The following RBFOX1 variants were observed in gnomAD, a reference collection of about 807,000 sequenced individuals.
RBFOX1 encodes RNA binding protein fox-1 homolog 1.
Under a neutral mutation model 57.7 loss-of-function variants are expected in RBFOX1, and 8 were observed. That is an observed-to-expected ratio of 0.14 (90% CI 0.08 to 0.25). The LOEUF is 0.25. Ranked by LOEUF, RBFOX1 falls within the 10% of genes least tolerant of loss-of-function variation. The probability of loss-of-function intolerance (pLI) is 1.00; values close to 1 mark genes in which losing one functional copy is unlikely to be tolerated. For missense variants in RBFOX1, 611 were observed against 548.5 expected, an observed-to-expected ratio of 1.11 and a Z score of -1.14; for synonymous variants, 326 against 222.4, an observed-to-expected ratio of 1.47 and a Z score of -4.15.
At chr16:5,405,972 C>G (rs1035997905) in intron 1 of RBFOX1, among the ~76,000 whole-genome samples, 2 of 152,174 alleles carry the variant, frequency 1.3e-5, no homozygotes, top group African/African-American at 2.4e-5. Flanking sequence ...GGAAGCATGT[C>G]TGGACTTGTC....
chr16:7,170,516 G>T (rs1329211124), intron 4 of RBFOX1, among the ~76,000 whole-genome samples: 1 of 152,128 alleles, frequency 6.6e-6, no homozygotes, highest in African/African-American at 2.4e-5. Context: ...GCTCAAGTAT[G>T]AGTAGATGGG....
chr16:6,174,426 C>A (rs569651535), intron 1 of RBFOX1, among the ~76,000 whole-genome samples: 1 of 152,214 alleles, frequency 6.6e-6, no homozygotes, highest in African/African-American at 2.4e-5. Context: ...AAAACCCCGT[C>A]TTTACTAAAA....
At chr16:6,494,665 T>C (rs1028328174) in intron 2 of RBFOX1, among the ~76,000 whole-genome samples, 2 of 152,214 alleles carry the variant, frequency 1.3e-5, no homozygotes, top group Non-Finnish European at 2.9e-5. Context: ...TGCGTGACCG[T>C]GAGTTTCACT....
At chr16:7,054,362 C>T (rs938983314) in intron 4 of RBFOX1, among the ~76,000 whole-genome samples, 1 of 150,664 alleles carries the variant, frequency 6.6e-6, no homozygotes, top group African/African-American at 2.4e-5. Flanking sequence ...GCCTCAGCCT[C>T]CAGAGTCGCT....
chr16:7,214,062 C>G (rs1313048954), intron 4 of RBFOX1, among the ~76,000 whole-genome samples: 5 of 148,058 alleles, frequency 3.4e-5, no homozygotes, highest in African/African-American at 1.3e-4. Context: ...CTGGAAGCTT[C>G]TGAGCTTGCT....
chr16:5,714,006 C>T (rs950436174), intron 3 of RBFOX1, among the ~76,000 whole-genome samples: 16 of 152,112 alleles, frequency 1.1e-4, no homozygotes, highest in African/African-American at 3.9e-4. Flanking sequence ...ACTCACAGGG[C>T]TTGTTACCTA....
At chr16:7,268,317 C>A (rs1049512594) in intron 4 of RBFOX1, among the ~76,000 whole-genome samples, 1 of 152,112 alleles carries the variant, frequency 6.6e-6, no homozygotes, top group South Asian at 2.1e-4. Context: ...CAGTAGGGGG[C>A]AAAAGTGGAA....
In RBFOX1 at chr16:6,867,353, G is replaced by T. The variant is rs149702920; in HGVS notation, c.-15-184704G>T. Among the ~76,000 whole-genome samples the T allele has an allele frequency of 6.1e-3, 922 of 152,044 alleles. 10 individuals carry two copies. The highest frequency in any genetic ancestry group is 0.021 in the African/African-American group (879 of 41,484). On this transcript the variant is annotated intron_variant, in intron 3 of 15. Transcript: ENST00000550418. ...TTTTGTACAAGGAATAACCTCTCTTGGGGTAGTGATTCTTTTTAATGACCT... is the reference window on the plus strand; with the variant it reads ...TTTTGTACAAGGAATAACCTCTCTTTGGGTAGTGATTCTTTTTAATGACCT...
rs1420386063 is a variant in RBFOX1 at position 7,538,888 on chromosome 16, C to T, written c.270+20499C>T. ...CCCGCCACTCAATCTCTCCACAAGA[C>T]TAGCTTGAGCTTCCTCACAGCATGG... is the stretch of plus-strand genomic sequence containing the variant. On this transcript the variant is annotated intron_variant, in intron 5 of 15. Coordinates refer to ENST00000550418, the MANE Select transcript of RBFOX1 (RefSeq NM_018723.4). 5.2e-5 allele frequency among the ~76,000 whole-genome samples: 7 copies of T among 135,564 alleles called. No homozygotes were observed. The East Asian group carries it at 1.7e-3, about 34-fold the overall frequency. 88.9% of individuals were successfully genotyped at this position (135,564 alleles called of 152,430 possible). A position where few individuals can be genotyped will look rare whatever the true frequency, so the allele number is the denominator to read the frequency against.
At chr16:5,499,736 C>G (rs572275432) in intron 2 of RBFOX1, among the ~76,000 whole-genome samples, 1 of 151,958 alleles carries the variant, frequency 6.6e-6, no homozygotes, top group Non-Finnish European at 1.5e-5. Flanking sequence ...CCACGCCTGG[C>G]TAATGTTTGT....
At chr16:7,064,616 C>G (rs966409590) in intron 4 of RBFOX1, among the ~76,000 whole-genome samples, 11 of 152,304 alleles carry the variant, frequency 7.2e-5, no homozygotes, top group African/African-American at 2.4e-4. Context: ...TCGCAGACTT[C>G]TGGCCTCCAG....
chr16:5,592,009 CTTCT>C (rs1248155043), intron 2 of RBFOX1, among the ~76,000 whole-genome samples: 6 of 152,172 alleles, frequency 3.9e-5, no homozygotes, highest in African/African-American at 1.4e-4. Context: ...ATTCAAATTT[CTTCT>C]TTGTCAGTCT....
At chr16:5,465,914 C>A (rs1180232921) in intron 1 of RBFOX1, among the ~76,000 whole-genome samples, 1 of 152,186 alleles carries the variant, frequency 6.6e-6, no homozygotes, top group Non-Finnish European at 1.5e-5. Context: ...TGCATCTGGT[C>A]TCTGTCCACG....
intron 1 of RBFOX1, among the ~76,000 whole-genome samples, chr16:5,277,846 C>G (rs1163805879): frequency 6.6e-6 from 1 of 152,158 alleles, no homozygotes; most frequent in Non-Finnish European, 1.5e-5. Flanking sequence ...TTTTTTATGG[C>G]TGAATAGTAT....
intron 4 of RBFOX1, among the ~76,000 whole-genome samples, chr16:7,090,364 TG>T (rs552192089): frequency 6.6e-6 from 1 of 152,128 alleles, no homozygotes; most frequent in African/African-American, 2.4e-5. Context: ...AACTTTTTGC[TG>T]GGGGGAGGTG....
intron 3 of RBFOX1, among the ~76,000 whole-genome samples, chr16:6,926,880 C>A (rs975187331): frequency 2.0e-5 from 3 of 152,050 alleles, no homozygotes; most frequent in Non-Finnish European, 4.4e-5. Context: ...CACTTAGAAC[C>A]TGCGCATTGT....
chr16:7,304,229 A>T (rs1449671004), intron 4 of RBFOX1: 1 of 982,862 alleles, frequency 1.0e-6, no homozygotes, highest in Non-Finnish European at 1.2e-6. Context: ...AGAGAGAGAG[A>T]GAGAGAGAGA....
intron 4 of RBFOX1, among the ~76,000 whole-genome samples, chr16:7,164,313 G>A (rs1235779306): frequency 6.6e-6 from 1 of 152,140 alleles, no homozygotes; most frequent in Non-Finnish European, 1.5e-5. Flanking sequence ...TTTTATGGCT[G>A]AATAGTATTC....
At chr16:5,618,365 T>G (rs2048106946) in intron 3 of RBFOX1, among the ~76,000 whole-genome samples, 1 of 151,710 alleles carries the variant, frequency 6.6e-6, no homozygotes, top group South Asian at 2.1e-4. Flanking sequence ...TGTGACAGAG[T>G]CTCGCTCTGT....
Sources: allele counts gnomAD v4.1 joint callset (sites outside exome capture counted in the v4.1 genomes callset), GRCh38; gene constraint gnomAD v4.1.1; transcripts MANE v1.5; gene names NCBI Gene and HGNC (gene_info 2026-07-23, HGNC 2026-07-21).